The following TRPS1 variants were observed in gnomAD, a reference collection of about 807,000 sequenced individuals.
TRPS1 encodes transcriptional repressor GATA binding 1.
TRPS1 carries 6 observed loss-of-function variants against 101.2 expected under a neutral mutation model. The observed-to-expected ratio is 0.06, with a 90% confidence interval of 0.03 to 0.12. The LOEUF is 0.12. TRPS1 is among the 10% of genes least tolerant of loss of function. The pLI, the probability that TRPS1 is intolerant of heterozygous loss-of-function variation, is 1.00. For missense variants in TRPS1, 1,363 were observed against 1,567.0 expected, an observed-to-expected ratio of 0.87 and a Z score of 2.20; for synonymous variants, 578 against 589.8, an observed-to-expected ratio of 0.98 and a Z score of 0.29.
At chr8:115,613,803 A>T (rs968934319) in intron 3 of TRPS1, among the ~76,000 whole-genome samples, 1 of 152,214 alleles carries the variant, frequency 6.6e-6, no homozygotes, top group African/African-American at 2.4e-5. Context: ...CCAAAATTGG[A>T]AAAAAATAAG....
At chr8:115,567,161 C>G (rs1196561640) in intron 5 of TRPS1, among the ~76,000 whole-genome samples, 2 of 151,950 alleles carry the variant, frequency 1.3e-5, no homozygotes, top group Non-Finnish European at 2.9e-5. Flanking sequence ...GTTCCAGATA[C>G]AGAGAGACAG....
rs1361203414 is a variant in TRPS1, at chr8:115,410,272, G to A, written c.*3751C>T. The A allele has an allele frequency of 1.3e-5, 2 of 152,318 alleles. No individual in the cohort carries two copies. The highest frequency in any genetic ancestry group is 2.9e-5 in the Non-Finnish European group (2 of 67,954). The allele number at this position is 152,318 out of a possible 1,614,324, so 9.4% of individuals were successfully genotyped here. A position where few individuals can be genotyped will look rare whatever the true frequency, so the allele number is the denominator to read the frequency against. ...ATATACATTTAATATTTTTGGAGCT[G>A]TATTTGCATTGGATCATAATAGATT... On this transcript the variant is annotated 3_prime_UTR_variant, in exon 7 of 7. Transcript: ENST00000395715.
At chr8:115,607,866 T>C (rs1055435616) in intron 3 of TRPS1, among the ~76,000 whole-genome samples, 2 of 152,100 alleles carry the variant, frequency 1.3e-5, no homozygotes, top group Non-Finnish European at 2.9e-5. Flanking sequence ...AACATTTAAA[T>C]GCCATTCTAC....
At chr8:115,646,421 G>A (rs1470019468) in intron 1 of TRPS1, among the ~76,000 whole-genome samples, 2 of 152,214 alleles carry the variant, frequency 1.3e-5, no homozygotes, top group African/African-American at 2.4e-5. Context: ...AAGGCACTGT[G>A]ATGACTGAAC....
intron 5 of TRPS1, among the ~76,000 whole-genome samples, chr8:115,565,745 A>C (rs1817053206): frequency 6.6e-6 from 1 of 152,128 alleles, no homozygotes; most frequent in Non-Finnish European, 1.5e-5. Flanking sequence ...AAAGCAATAA[A>C]ATTTAACCAT....
intron 5 of TRPS1, among the ~76,000 whole-genome samples, chr8:115,493,258 G>A (rs16887496): frequency 0.036 from 5,550 of 152,198 alleles, 376 homozygotes; most frequent in African/African-American, 0.13. Context: ...ATTATTTCCA[G>A]TTTTAAAGAC....
intron 5 of TRPS1, among the ~76,000 whole-genome samples, chr8:115,511,944 A>G (rs1292078628): frequency 4.6e-5 from 7 of 151,812 alleles, no homozygotes; most frequent in Non-Finnish European, 8.8e-5. Flanking sequence ...TGATAAACCA[A>G]TGTAACATAT....
In TRPS1 at chr8:115,417,786, G is replaced by A. The variant is rs574975380; in HGVS notation, c.2823+544C>T. Reference sequence around the variant, plus strand: ...ATACCTCATTGAAATACCCACTGAAGGCCCTGGGGAGATTCATGTGATATT... The same window carrying A: ...ATACCTCATTGAAATACCCACTGAAAGCCCTGGGGAGATTCATGTGATATT... On this transcript the variant is annotated intron_variant, in intron 6 of 6. Transcript: ENST00000395715. Among the ~76,000 whole-genome samples the A allele has an allele frequency of 5.9e-5, 9 of 152,242 alleles. No individual in the cohort carries two copies. The East Asian group carries it at 1.5e-3, about 26-fold the overall frequency.
chr8:115,472,703 C>T (rs1234015614), intron 5 of TRPS1, among the ~76,000 whole-genome samples: 1 of 152,150 alleles, frequency 6.6e-6, no homozygotes, highest in African/African-American at 2.4e-5. Context: ...TTTGTGACTA[C>T]ATAAAACTGA....
At chr8:115,575,890 A>G (rs957183928) in intron 5 of TRPS1, among the ~76,000 whole-genome samples, 2 of 152,168 alleles carry the variant, frequency 1.3e-5, no homozygotes, top group African/African-American at 4.8e-5. Context: ...AACAGCTGGG[A>G]TTAGAGTCTA....
chr8:115,428,900 T>C (rs543475947), intron 5 of TRPS1, among the ~76,000 whole-genome samples: 15 of 152,348 alleles, frequency 9.8e-5, no homozygotes, highest in Non-Finnish European at 1.8e-4. Context: ...CTTAATGTTA[T>C]GTCATTATTC....
intron 1 of TRPS1, among the ~76,000 whole-genome samples, chr8:115,638,006 G>A (rs1818808967): frequency 6.6e-6 from 1 of 152,124 alleles, no homozygotes; most frequent in South Asian, 2.1e-4. Flanking sequence ...TTTCCAAAAT[G>A]AGCCAGATTT....
chr8:115,482,634 A>C (rs187227855), intron 5 of TRPS1, among the ~76,000 whole-genome samples: 2 of 152,320 alleles, frequency 1.3e-5, no homozygotes, highest in Admixed American at 6.5e-5. Context: ...GGGATACATC[A>C]ATTTAATAGA....
intron 5 of TRPS1, among the ~76,000 whole-genome samples, chr8:115,506,934 G>A (rs1815459005): frequency 6.6e-6 from 1 of 152,028 alleles, no homozygotes; most frequent in African/African-American, 2.4e-5. Context: ...AAGTAAAAAG[G>A]TCAAGAGTCT....
intron 1 of TRPS1, among the ~76,000 whole-genome samples, chr8:115,651,337 C>A (rs1002152537): frequency 1.8e-4 from 28 of 152,186 alleles, no homozygotes; most frequent in African/African-American, 6.8e-4. Flanking sequence ...TACTCCGTTG[C>A]AACCAGTGGT....
At chr8:115,513,230 A>C (rs1433246200) in intron 5 of TRPS1, among the ~76,000 whole-genome samples, 1 of 151,758 alleles carries the variant, frequency 6.6e-6, no homozygotes, top group Non-Finnish European at 1.5e-5. Flanking sequence ...TGTAATAAAC[A>C]TGAAATACCA....
intron 5 of TRPS1, among the ~76,000 whole-genome samples, chr8:115,486,448 CT>C: frequency 6.6e-6 from 1 of 152,260 alleles, no homozygotes; most frequent in Non-Finnish European, 1.5e-5. Context: ...AGCTGTCTCA[CT>C]TTAAAGGAAA....
intron 5 of TRPS1, among the ~76,000 whole-genome samples, chr8:115,558,218 C>T (rs145660699): frequency 5.3e-5 from 8 of 152,190 alleles, no homozygotes; most frequent in Non-Finnish European, 1.0e-4. Flanking sequence ...TGATGATAAA[C>T]CATCTTACTA....
At chr8:115,578,627 T>C (rs973318050) in intron 5 of TRPS1, among the ~76,000 whole-genome samples, 1 of 151,716 alleles carries the variant, frequency 6.6e-6, no homozygotes, top group Non-Finnish European at 1.5e-5. Context: ...CACTGAAAAA[T>C]TAAAAAAGAA....
Sources: allele counts gnomAD v4.1 joint callset (sites outside exome capture counted in the v4.1 genomes callset), GRCh38; gene constraint gnomAD v4.1.1; transcripts MANE v1.5; gene names NCBI Gene and HGNC (gene_info 2026-07-23, HGNC 2026-07-21).